The following PCDHA3 variants were observed in gnomAD, a reference collection of about 807,000 sequenced individuals.
PCDHA3 encodes protocadherin alpha-3.
Under a neutral mutation model 62.2 loss-of-function variants are expected in PCDHA3, and 41 were observed. The observed-to-expected ratio is 0.66, with a 90% CI of 0.51 to 0.86. PCDHA3 has a LOEUF of 0.86. PCDHA3 is among the 40% of genes least tolerant of loss of function. The pLI, the probability that PCDHA3 is intolerant of heterozygous loss-of-function variation, is 0.00. For synonymous variants in PCDHA3, 640 were observed against 555.4 expected (o/e 1.15, Z -2.14); for missense variants, 1,304 against 1,241.2 (o/e 1.05, Z -0.76).
rs180990865 is a variant in PCDHA3 at position 140,858,241 on chromosome 5, G to C, written c.2394+54650G>C. 1.8e-3 allele frequency: 2,879 copies of C among 1,596,686 alleles called. 210 individuals carry two copies. In the African/African-American group the frequency reaches 0.035, roughly 19 times the overall value. On this transcript the variant is annotated intron_variant, in intron 1 of 3. Coordinates refer to ENST00000522353, the MANE Select transcript of PCDHA3 (RefSeq NM_018906.3). ...CGGCGCCCACCGAGGGCGCATGTGGGCCGGTGAAGCCCACGCTGGTGTGCT... is the reference window on the plus strand; with the variant it reads ...CGGCGCCCACCGAGGGCGCATGTGGCCCGGTGAAGCCCACGCTGGTGTGCT...
At chr5:140,924,944 T>TA (rs11334471) in intron 1 of PCDHA3, among the ~76,000 whole-genome samples, 37 of 142,946 alleles carry the variant, frequency 2.6e-4, no homozygotes, top group Non-Finnish European at 4.2e-4. Context: ...AATAAAAAGT[T>TA]AAAAAAAAAA....
intron 1 of PCDHA3, among the ~76,000 whole-genome samples, chr5:140,965,867 C>T (rs1267904737): frequency 1.3e-5 from 2 of 152,164 alleles, no homozygotes; most frequent in Non-Finnish European, 2.9e-5. Context: ...AAAATAAGGG[C>T]CACTTGGCCG....
intron 1 of PCDHA3, among the ~76,000 whole-genome samples, chr5:140,931,749 G>A (rs368438680): frequency 2.0e-5 from 3 of 151,878 alleles, no homozygotes; most frequent in East Asian, 3.9e-4. Context: ...ATTCACAAAG[G>A]CATTTGTTAT....
chr5:140,822,831 C>A, intron 1 of PCDHA3: 1 of 1,614,158 alleles, frequency 6.2e-7, no homozygotes, highest in Non-Finnish European at 8.5e-7. Flanking sequence ...TGGCCATAAC[C>A]ACCCTTTTCC....
At chr5:140,804,751 T>C in intron 1 of PCDHA3, 1 of 224,170 alleles carries the variant, frequency 4.5e-6, no homozygotes, top group Non-Finnish European at 8.7e-6. Flanking sequence ...GGTTATCTCC[T>C]CTAGCAATTA....
intron 3 of PCDHA3, among the ~76,000 whole-genome samples, chr5:141,005,089 A>G (rs1554259886): frequency 6.6e-6 from 1 of 152,244 alleles, no homozygotes; most frequent in East Asian, 1.9e-4. Context: ...TTAGTACTTT[A>G]CATGCATTAC....
intron 1 of PCDHA3, chr5:140,968,020 C>T: frequency 1.2e-6 from 2 of 1,614,202 alleles, no homozygotes; most frequent in Non-Finnish European, 1.7e-6. Flanking sequence ...TTGGAAACTC[C>T]TATACACTGG....
intron 3 of PCDHA3, among the ~76,000 whole-genome samples, chr5:140,989,708 G>T (rs2097355537): frequency 6.6e-6 from 1 of 152,154 alleles, no homozygotes; most frequent in South Asian, 2.1e-4. Context: ...ATCTTCAGAG[G>T]CAGTCAGCTT....
intron 1 of PCDHA3, among the ~76,000 whole-genome samples, chr5:140,952,338 CAAAAA>C (rs55931446): frequency 7.4e-5 from 10 of 135,008 alleles, no homozygotes; most frequent in Admixed American, 1.5e-4. Context: ...AACTCCATCT[CAAAAA>C]AAAAAAAAAA....
chr5:140,884,500 G>C (rs782378726), intron 1 of PCDHA3: 10 of 1,614,004 alleles, frequency 6.2e-6, no homozygotes, highest in Admixed American at 3.3e-5. Flanking sequence ...GCTCCAGCGC[G>C]GCAGGGAGTT....
chr5:140,858,772 A>G lies in PCDHA3; in HGVS notation c.2394+55181A>G. ...TTTCGTTACAAATATTTGTGAGATTAGTACTTCATGTTATTTCATTTCCAA... is the reference window on the plus strand; with the variant it reads ...TTTCGTTACAAATATTTGTGAGATTGGTACTTCATGTTATTTCATTTCCAA... On this transcript the variant is annotated intron_variant, in intron 1 of 3. Transcript: ENST00000522353. 1.4e-5 allele frequency: 6 copies of G among 437,250 alleles called. No homozygotes were observed. In the South Asian group the frequency reaches 1.5e-4, roughly 11 times the overall value. 27.1% of individuals were successfully genotyped at this position (437,250 alleles called of 1,614,324 possible).
At position 140,853,586 on chromosome 5, in the gene PCDHA3, A is replaced by T; in HGVS notation, c.2394+49995A>T. 4 of 985,384 alleles carry T rather than the reference A, an allele frequency of 4.1e-6. 1 individual carries two copies. Among genetic ancestry groups the T allele is most frequent in the Non-Finnish European group, 4.9e-6 (4 of 817,556 alleles). 61.0% of individuals were successfully genotyped at this position (985,384 alleles called of 1,614,324 possible). ...ACTAAGTTGTCACCCAATATCTTAG[A>T]CACTTTGAGAGCAAAGGGGGTGCTG... is the stretch of plus-strand genomic sequence containing the variant. On this transcript the variant is annotated intron_variant, in intron 1 of 3. Transcript: ENST00000522353.
intron 1 of PCDHA3, among the ~76,000 whole-genome samples, chr5:140,926,202 G>T (rs1194252332): frequency 6.6e-6 from 1 of 151,658 alleles, no homozygotes; most frequent in East Asian, 1.9e-4. Flanking sequence ...TTCTTTCGGG[G>T]GGCTCCTGTT....
chr5:140,834,137 A>G, intron 1 of PCDHA3: 1 of 496,492 alleles, frequency 2.0e-6, no homozygotes. Context: ...TCATCTGATT[A>G]ATAGTTTGTA....
Position 140,876,293 on chromosome 5 carries a change from A to G in PCDHA3, c.2394+72702A>G, listed in dbSNP as rs201253884. Reference sequence around the variant, plus strand: ...GCTTCCGATCCAGACGAAGGACTTAATGGAGAAATTTCCTATGGGATCAAA... The same window carrying G: ...GCTTCCGATCCAGACGAAGGACTTAGTGGAGAAATTTCCTATGGGATCAAA... On this transcript the variant is annotated intron_variant, in intron 1 of 3. Transcript: ENST00000522353. The G allele has an allele frequency of 9.9e-6, 16 of 1,613,942 alleles. No homozygotes were observed. The highest frequency in any genetic ancestry group is 2.5e-6 in the Non-Finnish European group (3 of 1,179,906).
chr5:140,976,927 G>A (rs1322531610), intron 1 of PCDHA3, among the ~76,000 whole-genome samples: 2 of 152,184 alleles, frequency 1.3e-5, no homozygotes, highest in Admixed American at 1.3e-4. Context: ...CTAGTACTGT[G>A]TAGCTACTTA....
In PCDHA3 at chr5:140,822,649, T is replaced by C. The variant is rs2150118201; in HGVS notation, c.2394+19058T>C. 1.9e-6 allele frequency: 3 copies of C among 1,609,918 alleles called. No homozygotes were observed. In the South Asian group the frequency reaches 3.3e-5, roughly 18 times the overall value. ...TGTTCTTGACGATGTAAAGTCCAAATTTATAATTAATTCTAATACTGGTGA... is the reference window on the plus strand; with the variant it reads ...TGTTCTTGACGATGTAAAGTCCAAACTTATAATTAATTCTAATACTGGTGA... On this transcript the variant is annotated intron_variant, in intron 1 of 3. Transcript: ENST00000522353.
At position 140,802,187 on chromosome 5, in the gene PCDHA3, G is replaced by A. The variant is rs782510527; in HGVS notation, c.990G>A (p.Met330Ile). The A allele has an allele frequency of 5.0e-6, 8 of 1,614,106 alleles. No homozygotes were observed. Among genetic ancestry groups the A allele is most frequent in the African/African-American group, 4.0e-5 (3 of 74,950 alleles). Reference sequence around the variant, plus strand: ...CCACGGATAAAGGAAATCCCCCAATGTCAGATCACTGCACAGTTCTACTCG... The same window carrying A: ...CCACGGATAAAGGAAATCCCCCAATATCAGATCACTGCACAGTTCTACTCG... Reference protein sequence around the residue: ...VEATDKGNPPMSDHCTVLLEI... With the variant: ...VEATDKGNPPISDHCTVLLEI... Residue 330 changes from methionine (M) to isoleucine (I), a missense_variant, in exon 1 of 4, where the codon ATG becomes ATA. Coordinates refer to ENST00000522353, the MANE Select transcript of PCDHA3 (RefSeq NM_018906.3).
chr5:140,919,649 T>C (rs1252944920), intron 1 of PCDHA3, among the ~76,000 whole-genome samples: 1 of 152,202 alleles, frequency 6.6e-6, no homozygotes, highest in African/African-American at 2.4e-5. Flanking sequence ...TTCTCTAGAG[T>C]TTACCATATA....
Sources: gnomAD v4.1 joint callset for allele counts (sites outside exome capture counted in the v4.1 genomes callset) on GRCh38, gnomAD v4.1.1 for gene constraint, MANE v1.5 for transcripts, NCBI Gene and HGNC (gene_info 2026-07-23, HGNC 2026-07-21) for gene names.